CCDC66: variants seen among roughly 807,000 people sequenced by gnomAD.
CCDC66 encodes the protein coiled-coil domain containing 66, also known as coiled-coil domain-containing protein 66.
In CCDC66, 133 loss-of-function variants were observed where a neutral mutation model predicts 128.3. The observed-to-expected ratio is 1.04, with a 90% CI of 0.90 to 1.20. The LOEUF is 1.20. Among genes scored for constraint, CCDC66 ranks in the 50% most tolerant of loss-of-function variants. The probability of loss-of-function intolerance (pLI) is 0.00; values close to 1 mark genes in which losing one functional copy is unlikely to be tolerated. For missense variants in CCDC66, 1,126 were observed against 1,075.5 expected (o/e 1.05, Z -0.66); for synonymous variants, 387 against 357.0 (o/e 1.08, Z -0.95).
intron 10 of CCDC66, among the ~76,000 whole-genome samples, chr3:56,609,496 G>A (rs139543967): frequency 6.6e-6 from 1 of 152,142 alleles, no homozygotes; most frequent in Non-Finnish European, 1.5e-5. Context: ...TCCTAAGAGG[G>A]CAGATGGTTG....
Position 56,567,014 on chromosome 3 carries a change from T to C in CCDC66, c.775T>C (p.Ser259Pro), listed in dbSNP as rs772151489. 2 of 1,614,030 alleles carry C rather than the reference T, an allele frequency of 1.2e-6. No individual in the cohort carries two copies. The highest frequency in any genetic ancestry group is 1.7e-6 in the Non-Finnish European group (2 of 1,180,014). ...TLGERECDRSSLEAKKAQWRK... is the reference protein window; with the variant it reads ...TLGERECDRSPLEAKKAQWRK... ...GGGGGAAAGGGAATGTGATAGAAGT[T>C]CGTTGGAAGCAAAAAAAGCCCAGTG... is the stretch of plus-strand genomic sequence containing the variant. The change falls in exon 6 of 18, where the codon TCG (serine) becomes CCG (proline). Residue 259 changes from serine (S) to proline (P), a missense_variant. Coordinates refer to ENST00000394672, the MANE Select transcript of CCDC66 (RefSeq NM_001141947.3).
intron 3 of CCDC66, among the ~76,000 whole-genome samples, chr3:56,563,158 C>T (rs941914614): frequency 2.6e-5 from 4 of 151,498 alleles, no homozygotes; most frequent in African/African-American, 9.7e-5. Context: ...GTCAGGAGTT[C>T]GAGACCAGCC....
intron 7 of CCDC66, among the ~76,000 whole-genome samples, chr3:56,591,822 G>A (rs1471590223): frequency 2.0e-5 from 3 of 152,116 alleles, no homozygotes; most frequent in Non-Finnish European, 4.4e-5. Context: ...TATGAGCTTT[G>A]TGATCTTTTC....
At position 56,558,866 on chromosome 3, in the gene CCDC66, C is replaced by G. The variant is rs1188797301; in HGVS notation, c.32C>G (p.Thr11Ser). 5 of 1,549,508 alleles carry G rather than the reference C, an allele frequency of 3.2e-6. No homozygotes were observed. The South Asian group carries it at 6.0e-5, about 18-fold the overall frequency. The change falls in exon 2 of 18, where the codon ACT (threonine) becomes AGT (serine). Residue 11 changes from threonine (T) to serine (S), a missense_variant. By Grantham distance (58) the Thr-to-Ser change is moderately conservative. Coordinates refer to ENST00000394672, the MANE Select transcript of CCDC66 (RefSeq NM_001141947.3). ...TACAGAGATGGTTTAAAGCTTGAAA[C>G]TGAATTACTGGATGGAAAAACCAAG... MNLGDGLKLE[T>S]ELLDGKTKLI... is the part of the protein sequence containing the mutation.
At chr3:56,557,480 C>A (rs73079894) in intron 1 of CCDC66, among the ~76,000 whole-genome samples, 51,252 of 151,998 alleles carry the variant, frequency 0.34, 10,501 homozygotes, top group Non-Finnish European at 0.48. Context: ...AGCATTAAAA[C>A]TGCCAGTGAT....
At chr3:56,573,542 G>A (rs2066918551) in intron 7 of CCDC66, among the ~76,000 whole-genome samples, 3 of 152,206 alleles carry the variant, frequency 2.0e-5, no homozygotes, top group African/African-American at 7.2e-5. Flanking sequence ...TGAGTTTTAT[G>A]CCCCTTCATG....
chr3:56,615,295 ATTTATAATATTTTTAGAAGATGAT>A (rs762839469), intron 12 of CCDC66, 23 bp downstream of exon 12: 80 of 1,435,228 alleles, frequency 5.6e-5, no homozygotes, highest in Non-Finnish European at 6.9e-5. Context: ...CCAGAACTTT[ATTTATAATATTTTTAGAAGATGAT>A]TTTAAATAAT....
intron 7 of CCDC66, among the ~76,000 whole-genome samples, chr3:56,587,606 C>T (rs2070033214): frequency 6.6e-6 from 1 of 152,212 alleles, no homozygotes; most frequent in Non-Finnish European, 1.5e-5. Flanking sequence ...CGTGGTGGCT[C>T]ATGCCTGTAA....
At position 56,593,060 on chromosome 3, in the gene CCDC66, G is replaced by C. The variant is rs779401378; in HGVS notation, c.1027G>C (p.Asp343His). ...IEELNKQIED[D>H]RQRKIEEKII... ...AGAGTTGAATAAGCAAATAGAAGATGACCGTCAAAGAAAAATAGAGGAAAA... is the reference window on the plus strand; with the variant it reads ...AGAGTTGAATAAGCAAATAGAAGATCACCGTCAAAGAAAAATAGAGGAAAA... Residue 343 changes from aspartate (D) to histidine (H), a missense_variant, in exon 8 of 18, where the codon GAC (aspartate) becomes CAC (histidine). Transcript: ENST00000394672. The C allele has an allele frequency of 1.3e-5, 21 of 1,606,346 alleles. No individual in the cohort carries two copies. The South Asian group carries it at 2.3e-4, about 18-fold the overall frequency.
intron 7 of CCDC66, among the ~76,000 whole-genome samples, chr3:56,581,924 C>G (rs1199436838): frequency 6.6e-6 from 1 of 151,868 alleles, no homozygotes; most frequent in East Asian, 2.0e-4. Flanking sequence ...CTGGGAGAAG[C>G]ACTACTCTCT....
chr3:56,560,266 C>CT (rs2064917869), intron 3 of CCDC66, among the ~76,000 whole-genome samples: 1 of 152,314 alleles, frequency 6.6e-6, no homozygotes, highest in African/African-American at 2.4e-5. Flanking sequence ...GAGTCTCACT[C>CT]TTGTCACCCA....
intron 7 of CCDC66, among the ~76,000 whole-genome samples, chr3:56,586,832 C>T (rs1035107506): frequency 5.3e-5 from 8 of 151,772 alleles, no homozygotes; most frequent in African/African-American, 1.9e-4. Context: ...GAGTAGCTGC[C>T]TTGAGCCAAG....
chr3:56,591,475 CTG>C (rs1193928717), intron 7 of CCDC66, among the ~76,000 whole-genome samples: 3 of 152,102 alleles, frequency 2.0e-5, no homozygotes, highest in Non-Finnish European at 4.4e-5. Flanking sequence ...TAAACTAACA[CTG>C]TGATAGCTGA....
chr3:56,567,036 A>T lies in CCDC66; in HGVS notation c.797A>T (p.Gln266Leu), dbSNP rs1327790196. 6.2e-7 allele frequency: 1 copy of T among 1,613,252 alleles called. No individual in the cohort carries two copies. The highest frequency in any genetic ancestry group is 1.3e-5 in the African/African-American group (1 of 74,924). The change falls in exon 6 of 18, where the codon CAG becomes CTG. Residue 266 changes from glutamine (Q) to leucine (L), a missense_variant. By Grantham distance (113) the Gln-to-Leu change is moderately radical. Transcript: ENST00000394672. ...AGTTCGTTGGAAGCAAAAAAAGCCC[A>T]GTGGAGGAAAGAGCTAGGTAGGTAA... ...DRSSLEAKKA[Q>L]WRKELDEQVA...
In CCDC66 at chr3:56,618,219, A is replaced by G. The variant is rs370753395; in HGVS notation, c.2378+7A>G. ...ATTCATTCAGCAAGGAAAGGTAAGTATGCATCAGATTAATTCCGCAGCTAC... is the reference window on the plus strand; with the variant it reads ...ATTCATTCAGCAAGGAAAGGTAAGTGTGCATCAGATTAATTCCGCAGCTAC... On this transcript the variant is annotated splice_region_variant and intron_variant, in intron 15 of 17. Coordinates refer to ENST00000394672, the MANE Select transcript of CCDC66 (RefSeq NM_001141947.3). 2.0e-5 allele frequency: 33 copies of G among 1,611,432 alleles called. No homozygotes were observed. Among genetic ancestry groups the G allele is most frequent in the Non-Finnish European group, 2.6e-5 (31 of 1,177,806 alleles).
At chr3:56,614,191 A>G (rs2075212271) in intron 11 of CCDC66, among the ~76,000 whole-genome samples, 1 of 152,208 alleles carries the variant, frequency 6.6e-6, no homozygotes, top group Non-Finnish European at 1.5e-5. Context: ...GCAAAGAGAG[A>G]AGCTTGAGAA....
chr3:56,565,091 C>A (rs1318716688), intron 4 of CCDC66: 2 of 349,706 alleles, frequency 5.7e-6, no homozygotes, highest in South Asian at 2.1e-5. Context: ...ATTTTTTGAG[C>A]CATCCTGTGA....
chr3:56,601,320 C>G (rs2073132664), intron 10 of CCDC66, among the ~76,000 whole-genome samples: 1 of 152,020 alleles, frequency 6.6e-6, no homozygotes, highest in African/African-American at 2.4e-5. Flanking sequence ...CTCTTCTGTT[C>G]TATTCATCTA....
chr3:56,582,785 G>T (rs955248), intron 7 of CCDC66, among the ~76,000 whole-genome samples: 115,858 of 149,910 alleles, frequency 0.77, 45,848 homozygotes, highest in Non-Finnish European at 0.86. Context: ...GCTCAAGATA[G>T]TCATATATGC....
Sources: allele counts gnomAD v4.1 joint callset (sites outside exome capture counted in the v4.1 genomes callset), GRCh38; gene constraint gnomAD v4.1.1; transcripts MANE v1.5; gene names NCBI Gene and HGNC (gene_info 2026-07-23, HGNC 2026-07-21).